Variants in ROBO2 observed in about 807,000 individuals in gnomAD.
The protein encoded by ROBO2 is roundabout homolog 2.
In ROBO2, 53 loss-of-function variants were observed where a neutral mutation model predicts 160.8. The observed-to-expected ratio is 0.33, with a 90% CI of 0.26 to 0.41. The LOEUF is 0.41. ROBO2 is among the 10% of genes least tolerant of loss of function. ROBO2 has a pLI of 1.00. For synonymous variants in ROBO2, 664 were observed against 611.7 expected (o/e 1.09, Z -1.26); for missense variants, 1,577 against 1,722.4 (o/e 0.92, Z 1.49).
At chr3:76,460,771 C>T (rs189100890) in intron 2 of ROBO2, among the ~76,000 whole-genome samples, 91 of 152,172 alleles carry the variant, frequency 6.0e-4, no homozygotes, top group African/African-American at 2.2e-3. Context: ...TTCTGACCTG[C>T]GCAATATGTG....
intron 2 of ROBO2, among the ~76,000 whole-genome samples, chr3:77,376,313 C>T (rs1455822978): frequency 6.6e-6 from 1 of 151,798 alleles, no homozygotes; most frequent in Non-Finnish European, 1.5e-5. Context: ...CACCAGTACA[C>T]CTGGCTAATT....
intron 2 of ROBO2, among the ~76,000 whole-genome samples, chr3:77,333,856 G>T (rs900332580): frequency 5.3e-5 from 8 of 152,120 alleles, no homozygotes; most frequent in African/African-American, 1.9e-4. Flanking sequence ...TCTTTTTTCT[G>T]AAATAGGGAT....
intron 2 of ROBO2, among the ~76,000 whole-genome samples, chr3:77,201,779 A>G (rs2082936705): frequency 6.6e-6 from 1 of 152,150 alleles, no homozygotes. Context: ...CATGGGTATT[A>G]TTTCCATGAG....
intron 6 of ROBO2, among the ~76,000 whole-genome samples, chr3:77,526,335 G>A (rs1349396550): frequency 2.0e-5 from 3 of 151,460 alleles, no homozygotes; most frequent in Non-Finnish European, 4.4e-5. Flanking sequence ...CTTGCCCGAA[G>A]AGCCATCATC....
At chr3:76,517,431 C>A (rs762427553) in intron 2 of ROBO2, among the ~76,000 whole-genome samples, 7 of 152,236 alleles carry the variant, frequency 4.6e-5, no homozygotes, top group African/African-American at 1.7e-4. Flanking sequence ...ACTAATAGGT[C>A]GATATTTTTC....
At chr3:76,120,287 C>A (rs1314712947) in intron 2 of ROBO2, among the ~76,000 whole-genome samples, 2 of 152,106 alleles carry the variant, frequency 1.3e-5, no homozygotes, top group Non-Finnish European at 2.9e-5. Context: ...CAGGCGTGAG[C>A]CACCACGCCT....
chr3:76,296,772 C>T (rs144281112), intron 2 of ROBO2, among the ~76,000 whole-genome samples: 89 of 152,094 alleles, frequency 5.9e-4, no homozygotes, highest in African/African-American at 2.1e-3. Context: ...ACTAACTTGC[C>T]GAATATTTGT....
chr3:76,177,890 A>T (rs1164981720), intron 2 of ROBO2, among the ~76,000 whole-genome samples: 2 of 152,182 alleles, frequency 1.3e-5, no homozygotes, highest in Admixed American at 6.5e-5. Context: ...ACAAACCAGC[A>T]GGCAGCCCTG....
chr3:76,594,548 A>G (rs2086621333), intron 2 of ROBO2, among the ~76,000 whole-genome samples: 2 of 151,996 alleles, frequency 1.3e-5, no homozygotes, highest in Admixed American at 1.3e-4. Context: ...AAATACTATT[A>G]TCCATCATTC....
intron 15 of ROBO2, among the ~76,000 whole-genome samples, chr3:77,578,230 C>T (rs566582534): frequency 6.6e-6 from 1 of 152,072 alleles, no homozygotes; most frequent in African/African-American, 2.4e-5. Flanking sequence ...GTTTCATTGC[C>T]ATCATTTGGT....
At chr3:77,267,996 T>C (rs1267922774) in intron 2 of ROBO2, among the ~76,000 whole-genome samples, 1 of 152,196 alleles carries the variant, frequency 6.6e-6, no homozygotes, top group African/African-American at 2.4e-5. Context: ...ATAAATATTA[T>C]ATGACCTGCC....
chr3:77,112,500 T>C (rs1296888107), intron 2 of ROBO2, among the ~76,000 whole-genome samples: 1 of 151,942 alleles, frequency 6.6e-6, no homozygotes, highest in Non-Finnish European at 1.5e-5. Context: ...CGCCTCGGCC[T>C]CCCAAAGTGC....
At chr3:77,316,441 T>C (rs1483552190) in intron 2 of ROBO2, among the ~76,000 whole-genome samples, 1 of 152,130 alleles carries the variant, frequency 6.6e-6, no homozygotes, top group Non-Finnish European at 1.5e-5. Flanking sequence ...ATTTACTCAA[T>C]ATGAATTTAC....
intron 2 of ROBO2, among the ~76,000 whole-genome samples, chr3:77,199,281 A>C (rs2082595898): frequency 6.6e-6 from 1 of 152,156 alleles, no homozygotes; most frequent in African/African-American, 2.4e-5. Flanking sequence ...TTTATCTAAC[A>C]AGTCTTAAAT....
At chr3:76,498,339 A>G (rs1037561101) in intron 2 of ROBO2, among the ~76,000 whole-genome samples, 3 of 152,126 alleles carry the variant, frequency 2.0e-5, no homozygotes, top group African/African-American at 7.2e-5. Context: ...GTTAAAGGAT[A>G]CAAAACTTTA....
intron 2 of ROBO2, among the ~76,000 whole-genome samples, chr3:77,201,249 G>T (rs2082881041): frequency 6.6e-6 from 1 of 152,116 alleles, no homozygotes; most frequent in Non-Finnish European, 1.5e-5. Context: ...TCTAGATTTT[G>T]TGCTCTTTCT....
intron 7 of ROBO2, among the ~76,000 whole-genome samples, chr3:77,548,101 CACAT>C (rs2092772084): frequency 6.6e-6 from 1 of 150,972 alleles, no homozygotes; most frequent in African/African-American, 2.4e-5. Context: ...TACATGCACA[CACAT>C]AGACACACAT....
intron 2 of ROBO2, among the ~76,000 whole-genome samples, chr3:76,437,742 T>C (rs1441957866): frequency 6.6e-6 from 1 of 152,092 alleles, no homozygotes; most frequent in Non-Finnish European, 1.5e-5. Flanking sequence ...AAGTGAATAA[T>C]GAAAAAAGAA....
At chr3:77,314,161 A>T (rs1560511651) in intron 2 of ROBO2, among the ~76,000 whole-genome samples, 1 of 152,180 alleles carries the variant, frequency 6.6e-6, no homozygotes, top group East Asian at 1.9e-4. Flanking sequence ...CACATGCCAC[A>T]CATAACCACA....
Sources: allele counts gnomAD v4.1 joint callset (sites outside exome capture counted in the v4.1 genomes callset), GRCh38; gene constraint gnomAD v4.1.1; transcripts MANE v1.5; gene names NCBI Gene and HGNC (gene_info 2026-07-23, HGNC 2026-07-21).